The following SCML4 variants were observed in gnomAD, a reference collection of about 807,000 sequenced individuals.
The protein encoded by SCML4 is Scm polycomb group protein like 4, also known as sex comb on midleg-like protein 4.
In SCML4, 34 loss-of-function variants were observed where a neutral mutation model predicts 41.1. That is an observed-to-expected ratio of 0.83 (90% CI 0.63 to 1.10). The LOEUF (loss-of-function observed/expected upper bound fraction) is 1.10, where lower values mean the gene tolerates loss of function less well. Ranked by LOEUF, SCML4 falls within the 50% of genes least tolerant of loss-of-function variation. SCML4 has a pLI of 0.00. For synonymous variants in SCML4, 214 were observed against 220.9 expected (o/e 0.97, Z 0.28); for missense variants, 522 against 534.1 (o/e 0.98, Z 0.22).
At chr6:107,721,849 T>C (rs1217252482) in intron 5 of SCML4, among the ~76,000 whole-genome samples, 1 of 152,144 alleles carries the variant, frequency 6.6e-6, no homozygotes, top group Non-Finnish European at 1.5e-5. Context: ...CTGATCTGGA[T>C]AGCCCCACAA....
At chr6:107,726,809 T>G (rs1248191008) in intron 5 of SCML4, among the ~76,000 whole-genome samples, 1 of 152,112 alleles carries the variant, frequency 6.6e-6, no homozygotes, top group Non-Finnish European at 1.5e-5. Context: ...CTGGTAGGAA[T>G]AGAAAATGGT....
chr6:107,721,039 C>G, intron 5 of SCML4, 46 bp from the exon 6 acceptor site: 2 of 1,541,788 alleles, frequency 1.3e-6, no homozygotes, highest in Non-Finnish European at 1.7e-6. Context: ...GAGAGCAGTT[C>G]AGGAAGCTAT....
intron 6 of SCML4, among the ~76,000 whole-genome samples, chr6:107,716,205 C>A (rs1562172422): frequency 1.3e-5 from 2 of 152,168 alleles, no homozygotes; most frequent in African/African-American, 2.4e-5. Flanking sequence ...TGTGAAAAGG[C>A]CCTGCTTAAA....
intron 6 of SCML4, among the ~76,000 whole-genome samples, chr6:107,714,973 C>CTTTT: frequency 1.1e-5 from 1 of 90,046 alleles, no homozygotes; most frequent in African/African-American, 3.5e-5. Context: ...TGCACAAACC[C>CTTTT]TTTATTTTTT....
intron 6 of SCML4, among the ~76,000 whole-genome samples, chr6:107,718,271 C>T (rs993624921): frequency 4.6e-5 from 7 of 152,196 alleles, no homozygotes; most frequent in Non-Finnish European, 1.0e-4. Context: ...CAGTAAGTCT[C>T]ACGACATCTG....
At chr6:107,787,424 A>G (rs74857761) in intron 1 of SCML4, among the ~76,000 whole-genome samples, 3,137 of 152,300 alleles carry the variant, frequency 0.021, 113 homozygotes, top group African/African-American at 0.069. Flanking sequence ...CACATCCCAC[A>G]GTGTAAGGAA....
chr6:107,774,351 A>G (rs1390802510), intron 1 of SCML4, among the ~76,000 whole-genome samples: 1 of 152,122 alleles, frequency 6.6e-6, no homozygotes, highest in East Asian at 1.9e-4. Context: ...TGATATAACT[A>G]AAGGTATCTT....
intron 1 of SCML4, among the ~76,000 whole-genome samples, chr6:107,803,114 C>G (rs1260282747): frequency 6.6e-6 from 1 of 151,360 alleles, no homozygotes; most frequent in African/African-American, 2.5e-5. Flanking sequence ...CTCCCAGCTG[C>G]CTGCCTTGGC....
At chr6:107,713,897 A>G (rs1473342452) in intron 6 of SCML4, among the ~76,000 whole-genome samples, 1 of 152,218 alleles carries the variant, frequency 6.6e-6, no homozygotes, top group Non-Finnish European at 1.5e-5. Context: ...GCCCACGATT[A>G]TGGCAAAATC....
chr6:107,825,808 G>A (rs1036587570), upstream of SCML4, among the ~76,000 whole-genome samples: 1 of 151,642 alleles, frequency 6.6e-6, no homozygotes, highest in African/African-American at 2.4e-5. Context: ...GTGGTGGCGG[G>A]CGCCTGTAGT....
chr6:107,839,188 G>A, the SCML4 span, among the ~76,000 whole-genome samples: 1 of 151,956 alleles, frequency 6.6e-6, no homozygotes, highest in Non-Finnish European at 1.5e-5. Context: ...ACCTATTCGG[G>A]AGGTTGAAGA....
chr6:107,771,047 C>T (rs1037940142), intron 2 of SCML4, among the ~76,000 whole-genome samples: 7 of 152,142 alleles, frequency 4.6e-5, no homozygotes, highest in African/African-American at 1.4e-4. Context: ...AGAAGAACAA[C>T]CAGTGAGAGA....
At chr6:107,763,750 G>A (rs1419914529) in intron 2 of SCML4, among the ~76,000 whole-genome samples, 2 of 152,190 alleles carry the variant, frequency 1.3e-5, no homozygotes. Flanking sequence ...TCCACCATGT[G>A]AGGACACAGT....
intron 6 of SCML4, among the ~76,000 whole-genome samples, chr6:107,712,144 C>T (rs945419497): frequency 2.6e-5 from 4 of 152,104 alleles, no homozygotes; most frequent in African/African-American, 4.8e-5. Flanking sequence ...AACATGGGGA[C>T]GAGGAATCAC....
At chr6:107,727,983 T>G (rs1482540982) in intron 5 of SCML4, among the ~76,000 whole-genome samples, 1 of 152,216 alleles carries the variant, frequency 6.6e-6, no homozygotes, top group African/African-American at 2.4e-5. Context: ...TAAATATTTA[T>G]TGAGTAAACA....
intron 1 of SCML4, among the ~76,000 whole-genome samples, chr6:107,779,744 G>A (rs948232780): frequency 2.0e-5 from 3 of 152,126 alleles, no homozygotes; most frequent in Non-Finnish European, 4.4e-5. Context: ...CCTAATGCTC[G>A]TGTGTCTGCA....
intron 2 of SCML4, among the ~76,000 whole-genome samples, chr6:107,756,850 C>T (rs1440199354): frequency 6.6e-6 from 1 of 152,206 alleles, no homozygotes; most frequent in Non-Finnish European, 1.5e-5. Context: ...AGAGAGGCCT[C>T]TTCCTGGCAG....
intron 1 of SCML4, among the ~76,000 whole-genome samples, chr6:107,794,659 C>T (rs1782582324): frequency 6.6e-6 from 1 of 152,116 alleles, no homozygotes; most frequent in Non-Finnish European, 1.5e-5. Flanking sequence ...GTGTGCGAGG[C>T]AGATGGTTGA....
chr6:107,704,854 T>C lies in SCML4; in HGVS notation c.*346A>G. On this transcript the variant is annotated 3_prime_UTR_variant, in exon 8 of 8. Coordinates refer to ENST00000369020, the MANE Select transcript of SCML4 (RefSeq NM_198081.5). ...CGCAGGGACAAAGGTCCTTCTTTCA[T>C]CCTTTGAACCCTCCAGAACTCTCCT... The C allele has an allele frequency of 3.0e-6, 1 of 329,346 alleles. No homozygotes were observed. The highest frequency in any genetic ancestry group is 2.7e-5 in the South Asian group (1 of 36,378). 20.4% of individuals were successfully genotyped at this position (329,346 alleles called of 1,614,324 possible).
Sources: gnomAD v4.1 joint callset for allele counts (sites outside exome capture counted in the v4.1 genomes callset) on GRCh38, gnomAD v4.1.1 for gene constraint, MANE v1.5 for transcripts, NCBI Gene and HGNC (gene_info 2026-07-23, HGNC 2026-07-21) for gene names.